MNS1: variants seen among roughly 807,000 people sequenced by gnomAD.
The protein encoded by MNS1 is meiosis-specific nuclear structural protein 1.
Under a neutral mutation model 72.0 loss-of-function variants are expected in MNS1, and 63 were observed. That is an observed-to-expected ratio of 0.87 (90% CI 0.71 to 1.08). The LOEUF (loss-of-function observed/expected upper bound fraction) is 1.08. MNS1 is among the 50% of genes least tolerant of loss of function. MNS1 has a pLI of 0.00. For missense variants in MNS1, 604 were observed against 562.4 expected, an observed-to-expected ratio of 1.07 and a Z score of -0.75; for synonymous variants, 188 against 172.1, an observed-to-expected ratio of 1.09 and a Z score of -0.72.
At chr15:56,444,156 T>C (rs1415139519) in intron 5 of MNS1, among the ~76,000 whole-genome samples, 9 of 152,060 alleles carry the variant, frequency 5.9e-5, no homozygotes, top group African/African-American at 2.2e-4. Context: ...ACCAAAAAAA[T>C]TTATCAGAAT....
At chr15:56,459,990 C>CAAAAAA (rs150132300) in intron 2 of MNS1, among the ~76,000 whole-genome samples, 167 of 11,094 alleles carry the variant, frequency 0.015, 41 homozygotes, top group African/African-American at 0.023. Flanking sequence ...AATTCTGTCT[C>CAAAAAA]AAAAAAAAAA....
In MNS1 at chr15:56,434,377, A is replaced by G. The variant is rs200455625; in HGVS notation, c.1030T>C (p.Leu344=). The G allele has an allele frequency of 1.6e-4, 261 of 1,611,682 alleles. 3 individuals are homozygous for G. In the South Asian group the frequency reaches 2.6e-3, roughly 16 times the overall value. The change falls in exon 8 of 10, where the codon TTG becomes CTG. Residue 344 remains leucine, a synonymous_variant. Coordinates refer to ENST00000260453, the MANE Select transcript of MNS1 (RefSeq NM_018365.4). The part of the protein sequence containing the change: ...SKLKEEAEKK[L]RKQKEMKQDF... Reference sequence around the variant, plus strand: ...TGCTTCATCTCTTTTTGCTTTCTCAATTTCTTTTCTGCTTCTTCCTAAACA... The same window carrying G: ...TGCTTCATCTCTTTTTGCTTTCTCAGTTTCTTTTCTGCTTCTTCCTAAACA...
At chr15:56,443,580 A>C (rs569888725) in intron 6 of MNS1, 43 bp from the exon 7 acceptor site, 1 of 1,584,274 alleles carries the variant, frequency 6.3e-7, no homozygotes, top group African/African-American at 1.4e-5. Flanking sequence ...TAGGATCCAA[A>C]TTCTGTAACT....
At chr15:56,447,053 G>A (rs1031105767) in intron 3 of MNS1, 110 bp from the exon 4 acceptor site, 7 of 712,324 alleles carry the variant, frequency 9.8e-6, no homozygotes, top group Admixed American at 5.4e-5. Flanking sequence ...GGAATACAGC[G>A]GGTATTATTT....
In MNS1 at chr15:56,428,918, A is replaced by T; in HGVS notation, c.*183T>A. ...GGATTTTGAAATTATCAGTACAAAA[A>T]TAACAGCTTGATTAAAATTAATTTG... On this transcript the variant is annotated 3_prime_UTR_variant, in exon 10 of 10. Coordinates refer to ENST00000260453, the MANE Select transcript of MNS1 (RefSeq NM_018365.4). 1.9e-6 allele frequency: 1 copy of T among 535,796 alleles called. No homozygotes were observed. Among genetic ancestry groups the T allele is most frequent in the Non-Finnish European group, 3.2e-6 (1 of 308,032 alleles). 33.2% of individuals were successfully genotyped at this position (535,796 alleles called of 1,614,324 possible).
intron 3 of MNS1, among the ~76,000 whole-genome samples, chr15:56,448,751 C>CTT (rs34366643): frequency 5.9e-4 from 70 of 117,662 alleles, no homozygotes; most frequent in African/African-American, 1.6e-3. Flanking sequence ...TTTTTAGATT[C>CTT]TTTTTTTTTT....
chr15:56,450,580 G>C (rs2050940835), intron 3 of MNS1, among the ~76,000 whole-genome samples: 1 of 152,020 alleles, frequency 6.6e-6, no homozygotes, highest in South Asian at 2.1e-4. Context: ...GCATGTATCA[G>C]TGCTTCATTT....
At chr15:56,458,354 A>G (rs916069039) in intron 2 of MNS1, among the ~76,000 whole-genome samples, 21 of 152,214 alleles carry the variant, frequency 1.4e-4, no homozygotes, top group African/African-American at 5.1e-4. Context: ...GAGTTCCCAT[A>G]TATTCCCTGT....
intron 7 of MNS1, among the ~76,000 whole-genome samples, chr15:56,437,692 G>T (rs1272347829): frequency 6.6e-6 from 1 of 152,198 alleles, no homozygotes; most frequent in South Asian, 2.1e-4. Flanking sequence ...GTTTGCAGAT[G>T]ACATGATTGT....
At chr15:56,432,867 G>A (rs769908869) in intron 8 of MNS1, among the ~76,000 whole-genome samples, 14 of 152,164 alleles carry the variant, frequency 9.2e-5, no homozygotes, top group Non-Finnish European at 1.6e-4. Flanking sequence ...TTTAAAAGAA[G>A]TCATGTAAGT....
chr15:56,454,467 T>A (rs1343008502), intron 3 of MNS1, among the ~76,000 whole-genome samples: 1 of 152,176 alleles, frequency 6.6e-6, no homozygotes, highest in African/African-American at 2.4e-5. Flanking sequence ...ATTTTTTTTG[T>A]ACCCAGGTAA....
chr15:56,458,880 T>C lies in MNS1; in HGVS notation c.226-2359A>G, dbSNP rs1254174734. Among the ~76,000 whole-genome samples, 7 of 152,350 alleles carry C rather than the reference T, an allele frequency of 4.6e-5. No homozygotes were observed. The South Asian group carries it at 8.3e-4, about 18-fold the overall frequency. ...AGGACATCTTGGTTGCTTCTAAATT[T>C]TGACATTTATAAATAATGCTGCTAT... On this transcript the variant is annotated intron_variant, in intron 2 of 9. Transcript: ENST00000260453.
At position 56,443,728 on chromosome 15, in the gene MNS1, T is replaced by C. The variant is rs2050858384; in HGVS notation, c.813A>G (p.Ile271Met). The part of the protein sequence containing the change: ...EEMEEENRKI[I>M]EFANMQQQRE... ...TTTGCTGCTGCATGTTAGCAAACTC[T>C]ATGATTTTTCTGTTTTCTTCTTCCA... The change falls in exon 6 of 10, where the codon ATA becomes ATG. Residue 271 changes from isoleucine to methionine, a missense_variant. Ile to Met is a conservative substitution (Grantham distance 10). Transcript: ENST00000260453. The C allele has an allele frequency of 6.2e-7, 1 of 1,613,398 alleles. No individual in the cohort carries two copies. The highest frequency in any genetic ancestry group is 8.5e-7 in the Non-Finnish European group (1 of 1,179,700).
In MNS1 at chr15:56,443,650, C is replaced by T. The variant is rs1240188251; in HGVS notation, c.891G>A (p.Gln297=). 4 of 1,612,520 alleles carry T rather than the reference C, an allele frequency of 2.5e-6. No individual in the cohort carries two copies. The highest frequency in any genetic ancestry group is 3.3e-4 in the Middle Eastern group (2 of 6,054). The change falls in exon 6 of 10, where the codon CAG becomes CAA. Residue 297 remains glutamine (Q), a synonymous_variant. Coordinates refer to ENST00000260453, the MANE Select transcript of MNS1 (RefSeq NM_018365.4). The stretch of plus-strand genomic sequence containing the variant: ...GTTATTTTAATACCGCATTCTGAAG[C>T]TGTAGCCTTTTCTCCTCATTTTCTT... ...KVQENEEKRL[Q]LQNALTQKLE...
chr15:56,460,007 A>ATATATAT lies in MNS1; in HGVS notation c.226-3487_226-3486insATATATA, dbSNP rs1555449663. Among the ~76,000 whole-genome samples, 7 of 27,614 alleles carry ATATATAT rather than the reference A, an allele frequency of 2.5e-4. 1 individual carries two copies. Among genetic ancestry groups the ATATATAT allele is most frequent in the African/African-American group, 9.3e-4 (7 of 7,532 alleles). 18.1% of individuals were successfully genotyped at this position (27,614 alleles called of 152,430 possible). Reference sequence around the variant, plus strand: ...TTCTGTCTCAAAAAAAAAAAAAAAAAAAATACATATATATATATATATATA... The same window carrying ATATATAT: ...TTCTGTCTCAAAAAAAAAAAAAAAAATATATATAAATACATATATATATATATATATA... On this transcript the variant is annotated intron_variant, in intron 2 of 9. Transcript: ENST00000260453.
At chr15:56,434,669 G>A (rs887370281) in intron 7 of MNS1, among the ~76,000 whole-genome samples, 2 of 152,012 alleles carry the variant, frequency 1.3e-5, no homozygotes, top group Non-Finnish European at 1.5e-5. Flanking sequence ...TAACTGCTTT[G>A]GAAAGAGCTG....
At chr15:56,460,383 A>G (rs192662493) in intron 2 of MNS1, among the ~76,000 whole-genome samples, 2 of 152,282 alleles carry the variant, frequency 1.3e-5, no homozygotes, top group African/African-American at 4.8e-5. Context: ...CTCAGGACAC[A>G]TAGCCACATT....
chr15:56,445,929 T>A (rs1340019588), intron 4 of MNS1: 1 of 152,056 alleles, frequency 6.6e-6, no homozygotes, highest in Non-Finnish European at 1.5e-5. Flanking sequence ...GCTATATGGC[T>A]TAGCAAATGA....
At chr15:56,447,708 T>TCA (rs1462666119) in intron 3 of MNS1, 2 of 152,206 alleles carry the variant, frequency 1.3e-5, no homozygotes, top group African/African-American at 4.8e-5. Context: ...TACAGTTTGA[T>TCA]AAGTTTTTAC....
Sources: allele counts gnomAD v4.1 joint callset (sites outside exome capture counted in the v4.1 genomes callset), GRCh38; gene constraint gnomAD v4.1.1; transcripts MANE v1.5; gene names NCBI Gene and HGNC (gene_info 2026-07-23, HGNC 2026-07-21).